Variants in NME9 observed in about 807,000 individuals in gnomAD.
NME9 encodes thioredoxin domain-containing protein 6.
NME9 carries 48 observed loss-of-function variants against 44.4 expected under a neutral mutation model. The observed-to-expected ratio is 1.08, with a 90% CI of 0.86 to 1.37. The LOEUF (loss-of-function observed/expected upper bound fraction) is 1.37, where lower values mean the gene tolerates loss of function less well. NME9 is among the 40% of genes most tolerant of loss of function. The probability of loss-of-function intolerance (pLI) is 0.00; values close to 1 mark genes in which losing one functional copy is unlikely to be tolerated. For synonymous variants in NME9, 139 were observed against 147.1 expected (o/e 0.94, Z 0.40); for missense variants, 325 against 405.2 (o/e 0.80, Z 1.70).
At chr3:138,305,503 T>G (rs1453006355) in intron 8 of NME9, among the ~76,000 whole-genome samples, 1 of 152,100 alleles carries the variant, frequency 6.6e-6, no homozygotes, top group Non-Finnish European at 1.5e-5. Flanking sequence ...TGGTCCAAGT[T>G]TGACTGACAA....
chr3:138,305,929 A>G (rs1381906201), intron 8 of NME9, 75 bp downstream of exon 8: 7 of 976,710 alleles, frequency 7.2e-6, no homozygotes, highest in African/African-American at 6.4e-5. Context: ...TCACAAACTG[A>G]TATCAATCTA....
intron 6 of NME9, among the ~76,000 whole-genome samples, chr3:138,308,945 G>GA (rs1002890235): frequency 0.059 from 3,109 of 52,868 alleles, 83 homozygotes; most frequent in African/African-American, 0.075. Context: ...AATACTGAAA[G>GA]AAAAAAAAAA....
At chr3:138,281,154 A>G (rs2049871359) in intron 8 of NME9, among the ~76,000 whole-genome samples, 1 of 152,034 alleles carries the variant, frequency 6.6e-6, no homozygotes, top group South Asian at 2.1e-4. Context: ...TCTCTGCTCT[A>G]TTTCCTTGAT....
At chr3:138,284,905 GTTTGC>G (rs539652754) in intron 8 of NME9, among the ~76,000 whole-genome samples, 125 of 152,256 alleles carry the variant, frequency 8.2e-4, no homozygotes, top group African/African-American at 2.8e-3. Flanking sequence ...TCCTTTACCT[GTTTGC>G]TTCTAAACAA....
chr3:138,289,710 A>G (rs1044581113), intron 8 of NME9, among the ~76,000 whole-genome samples: 2 of 152,160 alleles, frequency 1.3e-5, no homozygotes, highest in Non-Finnish European at 2.9e-5. Context: ...AAAGCTCCCC[A>G]GATGATTCCA....
intron 6 of NME9, among the ~76,000 whole-genome samples, chr3:138,308,955 A>AC (rs1440233919): frequency 6.6e-5 from 10 of 150,996 alleles, no homozygotes; most frequent in Non-Finnish European, 1.5e-4. Context: ...GAAAAAAAAA[A>AC]AAAAAAAAAA....
chr3:138,290,119 G>A (rs1028175943), intron 8 of NME9, among the ~76,000 whole-genome samples: 3 of 152,192 alleles, frequency 2.0e-5, no homozygotes, highest in African/African-American at 4.8e-5. Context: ...TGGGAGGACA[G>A]AGGAGGGTAG....
At chr3:138,318,961 G>A (rs1199335871) in intron 3 of NME9, among the ~76,000 whole-genome samples, 1 of 152,166 alleles carries the variant, frequency 6.6e-6, no homozygotes, top group Non-Finnish European at 1.5e-5. Flanking sequence ...ACTTTGGGAC[G>A]CTGTGGTGGG....
intron 8 of NME9, chr3:138,284,325 G>A: frequency 2.6e-6 from 2 of 780,412 alleles, no homozygotes; most frequent in South Asian, 3.1e-5. Context: ...AGTGGAACCT[G>A]TGAGAATCCA....
intron 6 of NME9, among the ~76,000 whole-genome samples, chr3:138,308,531 G>C (rs572349893): frequency 6.6e-6 from 1 of 152,306 alleles, no homozygotes; most frequent in South Asian, 2.1e-4. Context: ...ACAGGAAAGA[G>C]GTTGTAGGGC....
At chr3:138,286,190 G>A (rs1348465902) in intron 8 of NME9, among the ~76,000 whole-genome samples, 1 of 152,150 alleles carries the variant, frequency 6.6e-6, no homozygotes, top group Non-Finnish European at 1.5e-5. Context: ...TGATCCACCT[G>A]TCTCGGCCTC....
At chr3:138,292,133 G>C (rs866495506) in intron 8 of NME9, among the ~76,000 whole-genome samples, 3 of 152,146 alleles carry the variant, frequency 2.0e-5, no homozygotes, top group Admixed American at 2.0e-4. Flanking sequence ...TGCCTCCTGA[G>C]TTCAAGTGAT....
intron 8 of NME9, among the ~76,000 whole-genome samples, chr3:138,274,991 T>C (rs2049138263): frequency 6.6e-6 from 1 of 152,218 alleles, no homozygotes; most frequent in Non-Finnish European, 1.5e-5. Flanking sequence ...AGGCATCTTA[T>C]TCCTCATCCC....
Position 138,305,016 on chromosome 3 carries a change from C to T in NME9, c.648G>A (p.Glu216=). The T allele has an allele frequency of 1.9e-6, 3 of 1,613,912 alleles. No homozygotes were observed. The highest frequency in any genetic ancestry group is 2.5e-6 in the Non-Finnish European group (3 of 1,179,892). The change falls in exon 9 of 11, where the codon GAG becomes GAA. Residue 216 remains glutamate, a synonymous_variant. Coordinates refer to ENST00000333911, the MANE Select transcript of NME9 (RefSeq NM_001349018.2). ...YQHKAGEEAF[E]KLVHHMCSGP... The stretch of plus-strand genomic sequence containing the variant: ...CACTGCACATGTGATGTACCAGCTT[C>T]TCAAATGCCTCCTAGGCACAGGGAG...
chr3:138,284,786 G>A (rs1352605483), intron 8 of NME9, among the ~76,000 whole-genome samples: 2 of 152,070 alleles, frequency 1.3e-5, no homozygotes, highest in Admixed American at 6.5e-5. Flanking sequence ...CTCTTACTGA[G>A]TGAAGACCCG....
intron 8 of NME9, among the ~76,000 whole-genome samples, chr3:138,281,990 A>G (rs908494169): frequency 6.6e-6 from 1 of 152,202 alleles, no homozygotes; most frequent in Non-Finnish European, 1.5e-5. Flanking sequence ...TCTTCTTGGT[A>G]AGAAATGGTG....
At chr3:138,311,948 A>G (rs1229851663) in intron 6 of NME9, among the ~76,000 whole-genome samples, 1 of 152,260 alleles carries the variant, frequency 6.6e-6, no homozygotes, top group African/African-American at 2.4e-5. Flanking sequence ...AAAAACCCGT[A>G]GCATATGTAT....
intron 2 of NME9, among the ~76,000 whole-genome samples, chr3:138,320,021 C>T (rs1244349785): frequency 2.0e-5 from 3 of 152,146 alleles, no homozygotes; most frequent in African/African-American, 4.8e-5. Context: ...TTGACCTTTT[C>T]CTCTGATGAA....
At chr3:138,325,408 T>G (rs2053720038) in intron 1 of NME9, among the ~76,000 whole-genome samples, 1 of 151,442 alleles carries the variant, frequency 6.6e-6, no homozygotes, top group African/African-American at 2.4e-5. Context: ...CTTTTTTTTT[T>G]TTTGTTTTTT....
Sources: allele counts gnomAD v4.1 joint callset (sites outside exome capture counted in the v4.1 genomes callset), GRCh38; gene constraint gnomAD v4.1.1; transcripts MANE v1.5; gene names NCBI Gene and HGNC (gene_info 2026-07-23, HGNC 2026-07-21).